Variants in ZNF875 observed in about 807,000 individuals in gnomAD.
ZNF875 encodes the protein zinc finger protein 875.
In ZNF875, 14 loss-of-function variants were observed where a neutral mutation model predicts 11.2. The observed-to-expected ratio is 1.26, with a 90% CI of 0.83 to 1.96. The LOEUF (loss-of-function observed/expected upper bound fraction) is 1.96, where lower values mean the gene tolerates loss of function less well. Among genes scored for constraint, ZNF875 ranks in the 30% most tolerant of loss-of-function variants. The pLI, the probability that ZNF875 is intolerant of heterozygous loss-of-function variation, is 0.00. For synonymous variants in ZNF875, 301 were observed against 281.1 expected (o/e 1.07, Z -0.71); for missense variants, 752 against 760.4 (o/e 0.99, Z 0.13).
At chr19:37,358,908 T>TA (rs57795776) in intron 4 of ZNF875, among the ~76,000 whole-genome samples, 5,434 of 150,192 alleles carry the variant, frequency 0.036, 306 homozygotes, top group African/African-American at 0.12. Context: ...TATATATATA[T>TA]TTTTTTTTTG....
chr19:37,347,775 A>AGG lies in ZNF875; in HGVS notation c.161-1_161insGG. On this transcript the variant is annotated splice_acceptor_variant, in intron 3 of 4. Transcript: ENST00000392153. LOFTEE classifies it high-confidence loss of function. ...TGTCCTCATTTTCTTCCCTATGAAC[A>AGG]GAAATTCCATCTTCTAAACCAAAAC... The AGG allele has an allele frequency of 6.2e-7, 1 of 1,603,444 alleles. No homozygotes were observed. The highest frequency in any genetic ancestry group is 1.1e-5 in the South Asian group (1 of 90,852).
chr19:37,345,238 A>G (rs2036548177), intron 2 of ZNF875, among the ~76,000 whole-genome samples: 1 of 152,236 alleles, frequency 6.6e-6, no homozygotes. Context: ...ATATAGCCAG[A>G]GAGAGATGAG....
intron 2 of ZNF875, chr19:37,346,863 T>C: frequency 4.0e-6 from 1 of 251,804 alleles, no homozygotes; most frequent in Non-Finnish European, 7.1e-6. Context: ...TGACCTCTCA[T>C]TCTTTTTTTT....
At chr19:37,336,051 A>T (rs924539267) in intron 2 of ZNF875, among the ~76,000 whole-genome samples, 4 of 152,162 alleles carry the variant, frequency 2.6e-5, no homozygotes, top group African/African-American at 7.2e-5. Flanking sequence ...AAGTAAAGAG[A>T]CATACATGCG....
At chr19:37,333,156 G>A (rs1452692489), upstream of ZNF875, among the ~76,000 whole-genome samples, 1 of 152,102 alleles carries the variant, frequency 6.6e-6, no homozygotes, top group Non-Finnish European at 1.5e-5. Flanking sequence ...CCATCAGCCT[G>A]GGTCTCTCTT....
chr19:37,339,001 G>A (rs943141064), intron 2 of ZNF875, among the ~76,000 whole-genome samples: 1 of 152,074 alleles, frequency 6.6e-6, no homozygotes, highest in Non-Finnish European at 1.5e-5. Flanking sequence ...GGCACATTAT[G>A]TTATTTTTTT....
At chr19:37,358,908 T>G (rs893189693) in intron 4 of ZNF875, among the ~76,000 whole-genome samples, 1 of 150,130 alleles carries the variant, frequency 6.7e-6, no homozygotes, top group Non-Finnish European at 1.5e-5. Context: ...TATATATATA[T>G]TTTTTTTTTG....
intron 4 of ZNF875, among the ~76,000 whole-genome samples, chr19:37,328,301 T>A (rs2032848909): frequency 6.6e-6 from 1 of 152,074 alleles, no homozygotes; most frequent in African/African-American, 2.4e-5. Flanking sequence ...GCACACAGAT[T>A]TTCTGGAAGG....
chr19:37,347,434 C>T, intron 3 of ZNF875, 118 bp downstream of exon 3: 1 of 961,118 alleles, frequency 1.0e-6, no homozygotes, highest in Non-Finnish European at 1.5e-6. Context: ...AAACAATTTA[C>T]TTTTTTCCTC....
intron 2 of ZNF875, 173 bp from the exon 3 acceptor site, chr19:37,347,017 A>G (rs2036915052): frequency 3.0e-6 from 2 of 671,902 alleles, no homozygotes; most frequent in East Asian, 5.7e-5. Context: ...GGGTTTCTCC[A>G]TATTGGTCAG....
chr19:37,332,975 A>G (rs151288265), upstream of ZNF875, among the ~76,000 whole-genome samples: 53 of 152,316 alleles, frequency 3.5e-4, no homozygotes, highest in African/African-American at 1.2e-3. Context: ...ATCACCTTTC[A>G]TTTAAATGAA....
chr19:37,351,348 T>G (rs903507888), intron 4 of ZNF875, among the ~76,000 whole-genome samples: 2 of 152,178 alleles, frequency 1.3e-5, no homozygotes, highest in Non-Finnish European at 2.9e-5. Context: ...ATCTAAAGGT[T>G]TATTAATTTT....
chr19:37,348,271 C>T (rs1355428111), intron 4 of ZNF875, among the ~76,000 whole-genome samples: 5 of 152,288 alleles, frequency 3.3e-5, no homozygotes, highest in Admixed American at 2.0e-4. Context: ...ACTTATTACA[C>T]AATACTTAAG....
intron 4 of ZNF875, chr19:37,357,967 A>G (rs1329009709): frequency 7.5e-6 from 3 of 398,224 alleles, no homozygotes; most frequent in Admixed American, 8.8e-5. Context: ...CTTAGGGGGA[A>G]TGGTTTCAGC....
At chr19:37,362,079 G>A in intron 4 of ZNF875, 30 bp from the exon 5 acceptor site, 1 of 1,536,308 alleles carries the variant, frequency 6.5e-7, no homozygotes. Context: ...CCTACCTATG[G>A]CCCCTCTGAA....
At chr19:37,337,473 G>GA (rs767484695) in intron 2 of ZNF875, 4 of 151,908 alleles carry the variant, frequency 2.6e-5, no homozygotes, top group African/African-American at 4.8e-5. Context: ...TCTTTTTTTT[G>GA]AAACGGATTC....
intron 2 of ZNF875, chr19:37,344,618 C>G: frequency 7.6e-7 from 1 of 1,316,144 alleles, no homozygotes; most frequent in Non-Finnish European, 1.1e-6. Context: ...AGCTGGCAAG[C>G]AGATGAATTA....
At chr19:37,361,109 C>CTTTTTTTTTTT (rs772368148) in intron 4 of ZNF875, among the ~76,000 whole-genome samples, 1 of 115,822 alleles carries the variant, frequency 8.6e-6, no homozygotes, top group Non-Finnish European at 1.7e-5. Flanking sequence ...TTGTCTTCTC[C>CTTTTTTTTTTT]TTTTTTTTTT....
chr19:37,353,758 A>G (rs1011278483), intron 4 of ZNF875, among the ~76,000 whole-genome samples: 2 of 152,052 alleles, frequency 1.3e-5, no homozygotes, highest in Admixed American at 6.6e-5. Context: ...AGTAATTATT[A>G]TATTGTTCTT....
Sources: gnomAD v4.1 joint callset for allele counts (sites outside exome capture counted in the v4.1 genomes callset) on GRCh38, gnomAD v4.1.1 for gene constraint, MANE v1.5 for transcripts, NCBI Gene and HGNC (gene_info 2026-07-23, HGNC 2026-07-21) for gene names.